Variants in TMEM108 observed in about 807,000 individuals in gnomAD.
TMEM108 encodes the protein cancer/testis antigen 124.
TMEM108 carries 12 observed loss-of-function variants against 35.1 expected under a neutral mutation model. The ratio of observed to expected loss-of-function variants is 0.34; its 90% CI spans 0.22 to 0.55. The LOEUF (loss-of-function observed/expected upper bound fraction) is 0.55, where lower values mean the gene tolerates loss of function less well. Ranked by LOEUF, TMEM108 falls within the 20% of genes least tolerant of loss-of-function variation. TMEM108 has a pLI of 0.89. For missense variants in TMEM108, 680 were observed against 753.3 expected, an observed-to-expected ratio of 0.90 and a Z score of 1.14; for synonymous variants, 287 against 308.6, an observed-to-expected ratio of 0.93 and a Z score of 0.73.
At chr3:133,215,510 A>G (rs530605830) in intron 2 of TMEM108, among the ~76,000 whole-genome samples, 193 of 152,202 alleles carry the variant, frequency 1.3e-3, no homozygotes, top group African/African-American at 4.3e-3. Flanking sequence ...TTGCCACTCT[A>G]TGCGTGTCCA....
At chr3:133,140,855 T>G (rs1386854991) in intron 2 of TMEM108, among the ~76,000 whole-genome samples, 2 of 152,188 alleles carry the variant, frequency 1.3e-5, no homozygotes, top group South Asian at 2.1e-4. Flanking sequence ...ATTTTCTAAT[T>G]TTTAATAATT....
At chr3:133,079,038 T>C (rs1169764839) in intron 2 of TMEM108, among the ~76,000 whole-genome samples, 1 of 152,198 alleles carries the variant, frequency 6.6e-6, no homozygotes, top group African/African-American at 2.4e-5. Flanking sequence ...TATATAAATA[T>C]TGAATTCAGC....
chr3:133,133,169 G>GCAGCAT (rs1944513935), intron 2 of TMEM108, among the ~76,000 whole-genome samples: 1 of 152,142 alleles, frequency 6.6e-6, no homozygotes, highest in Non-Finnish European at 1.5e-5. Context: ...AGCAGCAGCA[G>GCAGCAT]CAGGGTTTGA....
intron 3 of TMEM108, among the ~76,000 whole-genome samples, chr3:133,249,198 A>G (rs1448952746): frequency 6.6e-6 from 1 of 152,232 alleles, no homozygotes; most frequent in Non-Finnish European, 1.5e-5. Flanking sequence ...CTCTTCATTG[A>G]AGCTGATGTG....
At chr3:133,147,183 AG>A (rs1410846854) in intron 2 of TMEM108, among the ~76,000 whole-genome samples, 2 of 152,160 alleles carry the variant, frequency 1.3e-5, no homozygotes, top group Non-Finnish European at 2.9e-5. Flanking sequence ...TAGGTTTCAA[AG>A]AACTTATTTA....
chr3:133,319,136 C>T (rs556148322), intron 3 of TMEM108, among the ~76,000 whole-genome samples: 2 of 152,238 alleles, frequency 1.3e-5, no homozygotes, highest in East Asian at 1.9e-4. Context: ...AACATAACCC[C>T]GTTGGCCCAA....
rs761073784 is a variant in TMEM108 at position 133,381,087 on chromosome 3, G to A, written c.1376G>A (p.Arg459Lys). 6.2e-7 allele frequency: 1 copy of A among 1,614,152 alleles called. No individual in the cohort carries two copies. ...GCCGAGGGGGACAAACCGCAGCACA[G>A]AGCCACCATCTGCCTGAGCAAGATG... ...HVAEGDKPQHRATICLSKMDI... is the reference protein window; with the variant it reads ...HVAEGDKPQHKATICLSKMDI... Residue 459 changes from arginine to lysine, a missense_variant, in exon 4 of 6, where the codon AGA becomes AAA. Around this residue, in one of 3 missense-constraint regions of TMEM108, gnomAD observed 105 missense variants for 150.7 expected, o/e 0.70. Transcript: ENST00000321871.
At chr3:133,310,552 TTTTTTTTG>T in intron 3 of TMEM108, among the ~76,000 whole-genome samples, 1 of 130,774 alleles carries the variant, frequency 7.6e-6, no homozygotes, top group African/African-American at 2.9e-5. Context: ...TTTTTTTTTT[TTTTTTTTG>T]CTTTCCATTC....
chr3:133,077,581 C>T (rs1051629483), intron 2 of TMEM108, among the ~76,000 whole-genome samples: 1 of 152,112 alleles, frequency 6.6e-6, no homozygotes, highest in African/African-American at 2.4e-5. Flanking sequence ...CTGACTTTAT[C>T]CCTAGGAGGG....
intron 2 of TMEM108, among the ~76,000 whole-genome samples, chr3:133,085,439 T>C (rs1943869554): frequency 6.6e-6 from 1 of 152,168 alleles, no homozygotes; most frequent in Non-Finnish European, 1.5e-5. Context: ...CTGAAACAGA[T>C]CACTGATTCT....
intron 1 of TMEM108, among the ~76,000 whole-genome samples, chr3:133,039,537 G>C (rs963730482): frequency 6.6e-6 from 1 of 152,154 alleles, no homozygotes; most frequent in African/African-American, 2.4e-5. Context: ...GAACTTAAGA[G>C]CAGGTCAAGC....
chr3:133,303,754 A>G (rs1283173558), intron 3 of TMEM108, among the ~76,000 whole-genome samples: 1 of 152,246 alleles, frequency 6.6e-6, no homozygotes, highest in Non-Finnish European at 1.5e-5. Context: ...ACTTTCTGCT[A>G]TCATAACAAG....
At chr3:133,381,584 C>G (rs1249631972) in intron 4 of TMEM108, among the ~76,000 whole-genome samples, 1 of 152,194 alleles carries the variant, frequency 6.6e-6, no homozygotes, top group Non-Finnish European at 1.5e-5. Context: ...GCCAATGCCT[C>G]TAGCAACCTG....
intron 3 of TMEM108, among the ~76,000 whole-genome samples, chr3:133,237,023 G>C (rs1278986463): frequency 6.6e-6 from 1 of 152,126 alleles, no homozygotes; most frequent in East Asian, 1.9e-4. Context: ...ATTTTGAAGT[G>C]ATTTGGTATT....
chr3:133,252,479 A>G (rs1267013696), intron 3 of TMEM108, among the ~76,000 whole-genome samples: 1 of 152,182 alleles, frequency 6.6e-6, no homozygotes, highest in African/African-American at 2.4e-5. Flanking sequence ...ATACATGCAC[A>G]CTGGAATCTA....
intron 5 of TMEM108, among the ~76,000 whole-genome samples, 200 bp from the exon 6 acceptor site, chr3:133,395,664 T>C (rs2073294714): frequency 6.6e-6 from 1 of 151,790 alleles, no homozygotes; most frequent in Non-Finnish European, 1.5e-5. Context: ...AATTAAAATA[T>C]ACACATACAC....
intron 2 of TMEM108, among the ~76,000 whole-genome samples, chr3:133,213,693 A>G (rs959567194): frequency 7.9e-5 from 12 of 152,194 alleles, no homozygotes; most frequent in African/African-American, 2.4e-4. Context: ...CTTCATTTCC[A>G]GGAAGCTCCA....
chr3:133,205,141 T>C (rs1363607459), intron 2 of TMEM108, among the ~76,000 whole-genome samples: 1 of 150,816 alleles, frequency 6.6e-6, no homozygotes, highest in Non-Finnish European at 1.5e-5. Flanking sequence ...GCTTTTTTTT[T>C]TTCTTTCCAT....
intron 1 of TMEM108, among the ~76,000 whole-genome samples, chr3:133,040,207 T>TTG (rs1425148217): frequency 2.0e-5 from 1 of 51,088 alleles, no homozygotes. Context: ...TGTTTGTTTG[T>TTG]TTTTTTTTTT....
Sources: gnomAD v4.1 joint callset for allele counts (sites outside exome capture counted in the v4.1 genomes callset) on GRCh38, gnomAD v4.1.1 for gene constraint, gnomAD v4.1.1 regional missense constraint, MANE v1.5 for transcripts, NCBI Gene and HGNC (gene_info 2026-07-23, HGNC 2026-07-21) for gene names.